SCAF8: variants seen among roughly 807,000 people sequenced by gnomAD.
SCAF8 encodes the protein SR-related and CTD-associated factor 8.
Under a neutral mutation model 140.5 loss-of-function variants are expected in SCAF8, and 23 were observed. That is an observed-to-expected ratio of 0.16 (90% confidence interval 0.12 to 0.23). SCAF8 has a LOEUF of 0.23. SCAF8 is among the 10% of genes least tolerant of loss of function. The pLI, the probability that SCAF8 is intolerant of heterozygous loss-of-function variation, is 1.00. For synonymous variants in SCAF8, 575 were observed against 528.9 expected (o/e 1.09, Z -1.20); for missense variants, 1,397 against 1,555.7 (o/e 0.90, Z 1.72).
intron 1 of SCAF8, among the ~76,000 whole-genome samples, chr6:154,751,858 C>T (rs578182177): frequency 2.6e-4 from 40 of 152,234 alleles, no homozygotes; most frequent in Admixed American, 8.5e-4. Context: ...CTCTCCTCCT[C>T]GTAGAACAGG....
chr6:154,753,493 G>T (rs1778890463), intron 1 of SCAF8, among the ~76,000 whole-genome samples: 1 of 151,604 alleles, frequency 6.6e-6, no homozygotes, highest in Non-Finnish European at 1.5e-5. Context: ...AAAAAAATTA[G>T]CTGGACATAG....
Position 154,833,452 on chromosome 6 carries a change from A to G in SCAF8, c.*57A>G, listed in dbSNP as rs1274423780. The stretch of plus-strand genomic sequence containing the variant: ...TAAAGTTGTCATCTCTCTGTAATAG[A>G]TAATGGCTGACTGGACCATAGTTGT... On this transcript the variant is annotated 3_prime_UTR_variant, in exon 20 of 20. Coordinates refer to ENST00000367178, the MANE Select transcript of SCAF8 (RefSeq NM_014892.5). The G allele has an allele frequency of 5.3e-6, 8 of 1,505,500 alleles. No homozygotes were observed. The highest frequency in any genetic ancestry group is 1.4e-5 in the African/African-American group (1 of 72,002). The allele number at this position is 1,505,500 out of a possible 1,614,324, so 93.3% of individuals were successfully genotyped here. A position where few individuals can be genotyped will look rare whatever the true frequency, so the allele number is the denominator to read the frequency against.
chr6:154,805,561 CT>C (rs555378273), intron 9 of SCAF8, 75 bp downstream of exon 9: 71,224 of 439,642 alleles, frequency 0.16, 73 homozygotes, highest in East Asian at 0.2. Flanking sequence ...TGTGGGTTGG[CT>C]TTTTTTTTTT....
At chr6:154,812,933 C>A (rs552207082) in intron 12 of SCAF8, among the ~76,000 whole-genome samples, 1 of 151,836 alleles carries the variant, frequency 6.6e-6, no homozygotes, top group Non-Finnish European at 1.5e-5. Flanking sequence ...TGCAGCGGCT[C>A]ACACCTGTAA....
At chr6:154,768,648 T>C (rs142284947) in intron 1 of SCAF8, among the ~76,000 whole-genome samples, 49 of 152,404 alleles carry the variant, frequency 3.2e-4, no homozygotes, top group African/African-American at 1.1e-3. Context: ...ACATATATTG[T>C]ATGCATTCAT....
At chr6:154,819,181 A>G (rs746829851) in intron 14 of SCAF8, among the ~76,000 whole-genome samples, 7 of 152,210 alleles carry the variant, frequency 4.6e-5, no homozygotes, top group Admixed American at 3.3e-4. Context: ...ACTGAATTAA[A>G]AACTTTAACT....
intron 3 of SCAF8, among the ~76,000 whole-genome samples, chr6:154,778,769 ATGTGTGTGTGTGTGTG>A (rs71021079): frequency 2.0e-4 from 28 of 142,162 alleles, no homozygotes; most frequent in African/African-American, 3.3e-4. Context: ...GTCTCAAAAA[ATGTGTGTGTGTGTGTG>A]TGTGTGTGTG....
rs1307476707 is a variant in SCAF8, at chr6:154,777,145, C to T, written c.115-856C>T. ...GCAGTGAACTGAGATTGTGCCGCTG[C>T]ACACCAGCCTGGGTGACAGAGTGAG... On this transcript the variant is annotated intron_variant, in intron 2 of 19. Coordinates refer to ENST00000367178, the MANE Select transcript of SCAF8 (RefSeq NM_014892.5). Among the ~76,000 whole-genome samples, 4 of 151,582 alleles carry T rather than the reference C, an allele frequency of 2.6e-5. 1 individual carries two copies. Among genetic ancestry groups the T allele is most frequent in the South Asian group, 2.1e-4 (1 of 4,806 alleles).
chr6:154,815,480 A>G (rs938945361), intron 12 of SCAF8, among the ~76,000 whole-genome samples: 2 of 152,232 alleles, frequency 1.3e-5, no homozygotes, highest in African/African-American at 4.8e-5. Flanking sequence ...TCAGGTGTGC[A>G]GCCAAGCTTG....
chr6:154,819,518 G>C (rs1361158939), intron 14 of SCAF8, among the ~76,000 whole-genome samples: 3 of 152,112 alleles, frequency 2.0e-5, no homozygotes, highest in Admixed American at 6.5e-5. Context: ...TTGAGCCCAT[G>C]AAGTCAAGGC....
At chr6:154,829,933 C>G (rs970597994) in intron 18 of SCAF8, among the ~76,000 whole-genome samples, 2 of 152,238 alleles carry the variant, frequency 1.3e-5, no homozygotes, top group East Asian at 3.9e-4. Flanking sequence ...AAAAGTCTTT[C>G]TTTTTGTTAT....
At position 154,808,916 on chromosome 6, in the gene SCAF8, C is replaced by T. The variant is rs540874339; in HGVS notation, c.1226+118C>T. ...GATGACATATTTTTTCTCAGTCTCT[C>T]GGAAAAAAAGTTATTCCAAAAACAA... On this transcript the variant is annotated intron_variant, in intron 11 of 19. Coordinates refer to ENST00000367178, the MANE Select transcript of SCAF8 (RefSeq NM_014892.5). 22 of 679,380 alleles carry T rather than the reference C, an allele frequency of 3.2e-5. 1 individual carries two copies. Among genetic ancestry groups the T allele is most frequent in the South Asian group, 2.8e-4 (14 of 49,212 alleles). 42.1% of individuals were successfully genotyped at this position (679,380 alleles called of 1,614,324 possible).
chr6:154,735,840 C>A (rs936987253), intron 1 of SCAF8, among the ~76,000 whole-genome samples: 1 of 150,940 alleles, frequency 6.6e-6, no homozygotes, highest in Non-Finnish European at 1.5e-5. Flanking sequence ...AGCTATCTTT[C>A]TTTTTTTGAG....
intron 1 of SCAF8, among the ~76,000 whole-genome samples, chr6:154,760,574 A>G (rs759325035): frequency 6.6e-6 from 1 of 152,010 alleles, no homozygotes; most frequent in Non-Finnish European, 1.5e-5. Context: ...CACTCTGCTA[A>G]CTGTGTCTAT....
intron 3 of SCAF8, among the ~76,000 whole-genome samples, chr6:154,778,525 G>A (rs1776980905): frequency 6.6e-6 from 1 of 152,162 alleles, no homozygotes; most frequent in South Asian, 2.1e-4. Flanking sequence ...AGCACTTTGG[G>A]AGGCCAAGGT....
intron 18 of SCAF8, among the ~76,000 whole-genome samples, chr6:154,829,499 A>C (rs557928283): frequency 6.6e-6 from 1 of 152,342 alleles, no homozygotes; most frequent in African/African-American, 2.4e-5. Context: ...AGGCAAGCCT[A>C]CCTCAAAAAT....
chr6:154,783,754 A>C (rs1023353194), intron 3 of SCAF8, among the ~76,000 whole-genome samples: 3 of 152,162 alleles, frequency 2.0e-5, no homozygotes, highest in African/African-American at 7.2e-5. Flanking sequence ...TTTCCAGAGG[A>C]AGGATTGAGT....
intron 15 of SCAF8, among the ~76,000 whole-genome samples, chr6:154,821,418 G>A (rs1778418516): frequency 6.6e-6 from 1 of 151,776 alleles, no homozygotes; most frequent in Non-Finnish European, 1.5e-5. Flanking sequence ...CTCAAATGCT[G>A]TAAAGTTTAC....
chr6:154,823,108 C>G (rs1444551231), intron 16 of SCAF8, among the ~76,000 whole-genome samples: 1 of 152,126 alleles, frequency 6.6e-6, no homozygotes, highest in Non-Finnish European at 1.5e-5. Flanking sequence ...GTGCAAAGGT[C>G]CCACACCAGG....
Sources: gnomAD v4.1 joint callset for allele counts (sites outside exome capture counted in the v4.1 genomes callset) on GRCh38, gnomAD v4.1.1 for gene constraint, MANE v1.5 for transcripts, NCBI Gene and HGNC (gene_info 2026-07-23, HGNC 2026-07-21) for gene names.